ADAMTS18: variants seen among roughly 807,000 people sequenced by gnomAD.
The protein encoded by ADAMTS18 is ADAM metallopeptidase with thrombospondin type 1 motif 18.
In ADAMTS18, 157 loss-of-function variants were observed where a neutral mutation model predicts 165.9. The ratio of observed to expected loss-of-function variants is 0.95; its 90% CI spans 0.83 to 1.08. The LOEUF (loss-of-function observed/expected upper bound fraction) is 1.08, where lower values mean the gene tolerates loss of function less well. Among genes scored for constraint, ADAMTS18 ranks in the 50% least tolerant of loss-of-function variants. The pLI, the probability that ADAMTS18 is intolerant of heterozygous loss-of-function variation, is 0.00. For synonymous variants in ADAMTS18, 782 were observed against 578.2 expected, an observed-to-expected ratio of 1.35 and a Z score of -5.06; for missense variants, 2,040 against 1,534.0, an observed-to-expected ratio of 1.33 and a Z score of -5.51.
chr16:77,383,383 T>A (rs1005248104), intron 3 of ADAMTS18, among the ~76,000 whole-genome samples: 2 of 152,154 alleles, frequency 1.3e-5, no homozygotes, highest in Non-Finnish European at 2.9e-5. Context: ...TCTTATTTTT[T>A]CTTTTAACTG....
intron 20 of ADAMTS18, among the ~76,000 whole-genome samples, chr16:77,291,856 T>C (rs376886800): frequency 6.6e-6 from 1 of 151,938 alleles, no homozygotes; most frequent in African/African-American, 2.4e-5. Flanking sequence ...GCCTGAGGAG[T>C]TAGGAATCTG....
At chr16:77,408,145 G>A (rs1022690684) in intron 3 of ADAMTS18, among the ~76,000 whole-genome samples, 8 of 152,050 alleles carry the variant, frequency 5.3e-5, no homozygotes, top group Admixed American at 3.9e-4. Context: ...GAGAGACACA[G>A]ATTTACTATA....
intron 16 of ADAMTS18, among the ~76,000 whole-genome samples, chr16:77,310,421 G>C (rs1567471339): frequency 6.6e-6 from 1 of 152,124 alleles, no homozygotes; most frequent in Non-Finnish European, 1.5e-5. Context: ...TCTGAAATGA[G>C]GAAACTGGGA....
intron 4 of ADAMTS18, among the ~76,000 whole-genome samples, chr16:77,366,515 C>T (rs770681053): frequency 2.0e-5 from 3 of 152,072 alleles, no homozygotes; most frequent in African/African-American, 4.8e-5. Context: ...GCAGAGATCG[C>T]GCCACTTCAC....
Position 77,344,835 on chromosome 16 carries a change from A to C in ADAMTS18, c.1615-3036T>G, listed in dbSNP as rs569921559. 7.2e-5 allele frequency among the ~76,000 whole-genome samples: 11 copies of C among 152,272 alleles called. No homozygotes were observed. The East Asian group carries it at 2.1e-3, about 29-fold the overall frequency. On this transcript the variant is annotated intron_variant, in intron 10 of 22. Transcript: ENST00000282849. ...CGGTGGAGTACAGAAGTCAAGGGTA[A>C]TTATAGCCAACTACATACTCTGACG...
At chr16:77,416,024 A>T (rs2144838301) in intron 3 of ADAMTS18, among the ~76,000 whole-genome samples, 1 of 152,310 alleles carries the variant, frequency 6.6e-6, no homozygotes, top group African/African-American at 2.4e-5. Flanking sequence ...GGTGGAAGGC[A>T]GAATATGCTA....
At chr16:77,380,582 C>G (rs77739607) in intron 3 of ADAMTS18, among the ~76,000 whole-genome samples, 3,393 of 152,284 alleles carry the variant, frequency 0.022, 57 homozygotes, top group Middle Eastern at 0.041. Flanking sequence ...TTCTTAACAT[C>G]TACTGCATAC....
At chr16:77,431,819 C>G in intron 2 of ADAMTS18, 2 of 603,524 alleles carry the variant, frequency 3.3e-6, no homozygotes, top group Non-Finnish European at 5.9e-6. Context: ...CTACAGGTGC[C>G]CGAAAGCCAA....
At chr16:77,312,995 G>T (rs778409850) in intron 16 of ADAMTS18, among the ~76,000 whole-genome samples, 1 of 152,098 alleles carries the variant, frequency 6.6e-6, no homozygotes, top group Non-Finnish European at 1.5e-5. Context: ...ACACACACAC[G>T]TATATTTATT....
intron 12 of ADAMTS18, among the ~76,000 whole-genome samples, chr16:77,327,304 C>T (rs1191811206): frequency 1.3e-5 from 2 of 152,136 alleles, no homozygotes; most frequent in Non-Finnish European, 2.9e-5. Flanking sequence ...ACCCTGGACC[C>T]ATTGTGTAGT....
At chr16:77,425,278 G>A (rs901795872) in intron 3 of ADAMTS18, among the ~76,000 whole-genome samples, 21 of 152,274 alleles carry the variant, frequency 1.4e-4, no homozygotes, top group African/African-American at 4.6e-4. Flanking sequence ...AAAGAGAAAC[G>A]AGGGGAAACC....
At chr16:77,334,350 T>TATA (rs373275487) in intron 12 of ADAMTS18, among the ~76,000 whole-genome samples, 66,829 of 74,430 alleles carry the variant, frequency 0.9, 30,698 homozygotes, top group African/African-American at 0.96. Flanking sequence ...TACTATTATA[T>TATA]ATACTACATA....
intron 3 of ADAMTS18, among the ~76,000 whole-genome samples, chr16:77,429,289 C>T (rs572937116): frequency 5.3e-5 from 8 of 152,254 alleles, no homozygotes; most frequent in Admixed American, 2.0e-4. Flanking sequence ...TTTGCAGGAA[C>T]GTGGATGGAG....
intron 12 of ADAMTS18, among the ~76,000 whole-genome samples, chr16:77,326,876 C>T (rs1002727509): frequency 3.9e-5 from 6 of 151,980 alleles, no homozygotes; most frequent in African/African-American, 1.5e-4. Flanking sequence ...CTCCTCCAAC[C>T]CTCCACTCTC....
In ADAMTS18 at chr16:77,309,817, T is replaced by C. The variant is rs944463444; in HGVS notation, c.2533-9413A>G. Among the ~76,000 whole-genome samples, 11 of 152,324 alleles carry C rather than the reference T, an allele frequency of 7.2e-5. No individual in the cohort carries two copies. In the South Asian group the frequency reaches 2.3e-3, roughly 32 times the overall value. ...AACACCTTGAAAGGGCAAATTGCTA[T>C]TCATCTAGATTGAGGTAAGTCCACT... On this transcript the variant is annotated intron_variant, in intron 16 of 22. Transcript: ENST00000282849.
At position 77,321,185 on chromosome 16, in the gene ADAMTS18, A is replaced by G; in HGVS notation, c.2181T>C (p.His727=). 1 of 1,614,216 alleles carries G rather than the reference A, an allele frequency of 6.2e-7. No homozygotes were observed. Among genetic ancestry groups the G allele is most frequent in the Non-Finnish European group, 8.5e-7 (1 of 1,180,026 alleles). Residue 727 remains histidine (H), a synonymous_variant, in exon 15 of 23, where the codon CAT becomes CAC. Transcript: ENST00000282849. ...DGVCELVGCD[H]ELGSKAVSDA... ...CTGAAACTGCTTTAGAGCCTAGTTC[A>G]TGATCACATCCCACTAGCTGTGACA... is the stretch of plus-strand genomic sequence containing the variant.
chr16:77,303,058 G>C (rs561706896), intron 16 of ADAMTS18, among the ~76,000 whole-genome samples: 21 of 152,236 alleles, frequency 1.4e-4, no homozygotes, highest in African/African-American at 4.8e-4. Flanking sequence ...CTCTGTGTCT[G>C]TATCCGTATC....
intron 3 of ADAMTS18, among the ~76,000 whole-genome samples, chr16:77,388,891 A>G (rs1162130405): frequency 4.6e-5 from 7 of 152,344 alleles, no homozygotes; most frequent in Middle Eastern, 3.4e-3. Context: ...TTTAATGACT[A>G]ATGTCCAAAT....
At chr16:77,386,311 A>C (rs925508068) in intron 3 of ADAMTS18, among the ~76,000 whole-genome samples, 1 of 152,184 alleles carries the variant, frequency 6.6e-6, no homozygotes, top group Non-Finnish European at 1.5e-5. Flanking sequence ...CTTGGACTTT[A>C]GGATCCAAAT....
Sources: gnomAD v4.1 joint callset for allele counts (sites outside exome capture counted in the v4.1 genomes callset) on GRCh38, gnomAD v4.1.1 for gene constraint, MANE v1.5 for transcripts, NCBI Gene and HGNC (gene_info 2026-07-23, HGNC 2026-07-21) for gene names.